KCNH1: variants seen among roughly 807,000 people sequenced by gnomAD.
KCNH1 encodes potassium voltage-gated channel subfamily H member 1.
Under a neutral mutation model 69.2 loss-of-function variants are expected in KCNH1, and 27 were observed. The observed-to-expected ratio is 0.39, with a 90% CI of 0.29 to 0.54. The LOEUF (loss-of-function observed/expected upper bound fraction) is 0.54. Ranked by LOEUF, KCNH1 falls within the 20% of genes least tolerant of loss-of-function variation. KCNH1 has a pLI of 0.68. For missense variants in KCNH1, 798 were observed against 1,261.6 expected, an observed-to-expected ratio of 0.63 and a Z score of 5.57; for synonymous variants, 456 against 487.7, an observed-to-expected ratio of 0.93 and a Z score of 0.86.
At chr1:211,093,789 G>A (rs1052096320) in intron 3 of KCNH1, among the ~76,000 whole-genome samples, 1 of 152,108 alleles carries the variant, frequency 6.6e-6, no homozygotes, top group African/African-American at 2.4e-5. Context: ...GTAACACTCT[G>A]GACCTTTTTC....
intron 6 of KCNH1, among the ~76,000 whole-genome samples, chr1:210,951,380 T>C (rs1216345878): frequency 1.3e-5 from 2 of 152,200 alleles, no homozygotes; most frequent in East Asian, 3.9e-4. Context: ...TATGCTAATA[T>C]ATGTCAAGGA....
intron 10 of KCNH1, among the ~76,000 whole-genome samples, chr1:210,690,789 C>G (rs1403598775): frequency 6.6e-6 from 1 of 152,338 alleles, no homozygotes; most frequent in Middle Eastern, 3.4e-3. Context: ...TAGGCCTGTT[C>G]GGCTAAGGCT....
intron 7 of KCNH1, among the ~76,000 whole-genome samples, chr1:210,819,113 G>C (rs932741485): frequency 3.3e-5 from 5 of 152,098 alleles, no homozygotes; most frequent in Non-Finnish European, 7.4e-5. Context: ...CTTAGCCAAA[G>C]ATGTGCTTAA....
chr1:211,105,100 G>A (rs543973906), intron 2 of KCNH1, among the ~76,000 whole-genome samples: 87 of 152,258 alleles, frequency 5.7e-4, no homozygotes, highest in African/African-American at 2.1e-3. Context: ...GATTATCTGT[G>A]GTTGTCCTTA....
At chr1:210,743,619 G>A (rs1010048390) in intron 10 of KCNH1, among the ~76,000 whole-genome samples, 13 of 152,174 alleles carry the variant, frequency 8.5e-5, no homozygotes, top group Non-Finnish European at 1.5e-5. Flanking sequence ...TAGACTTGGG[G>A]ACAGGACTGG....
At chr1:211,045,598 T>C (rs928008185) in intron 5 of KCNH1, among the ~76,000 whole-genome samples, 5 of 152,174 alleles carry the variant, frequency 3.3e-5, no homozygotes, top group African/African-American at 4.8e-5. Flanking sequence ...GAGATAAGTA[T>C]ACTCCTGGGA....
At chr1:210,928,879 A>T (rs74331247) in intron 6 of KCNH1, among the ~76,000 whole-genome samples, 1 of 152,162 alleles carries the variant, frequency 6.6e-6, no homozygotes, top group East Asian at 1.9e-4. Context: ...AATACAAAAG[A>T]TTATTCAAGG....
chr1:211,019,311 T>C (rs534535424), intron 5 of KCNH1, 55 bp from the exon 6 acceptor site: 2 of 1,132,326 alleles, frequency 1.8e-6, no homozygotes, highest in East Asian at 4.7e-5. Flanking sequence ...ATTGCAAGTA[T>C]CTAACCAGTC....
intron 7 of KCNH1, among the ~76,000 whole-genome samples, chr1:210,911,261 C>A (rs1687225408): frequency 6.6e-6 from 1 of 152,114 alleles, no homozygotes; most frequent in South Asian, 2.1e-4. Flanking sequence ...CCCTCCTTGA[C>A]CTCCTCACTG....
At chr1:210,881,106 C>G (rs1479116413) in intron 7 of KCNH1, among the ~76,000 whole-genome samples, 1 of 151,810 alleles carries the variant, frequency 6.6e-6, no homozygotes, top group Non-Finnish European at 1.5e-5. Context: ...CAACCTCTGC[C>G]TCCCAGGTTC....
In KCNH1 at chr1:210,838,677, G is replaced by A. The variant is rs555637378; in HGVS notation, c.1463-34511C>T. Reference sequence around the variant, plus strand: ...TTTGCAATATATCCATCTGACAAAGGTCTAATATCCAGCATCTATAAGAAA... The same window carrying A: ...TTTGCAATATATCCATCTGACAAAGATCTAATATCCAGCATCTATAAGAAA... On this transcript the variant is annotated intron_variant, in intron 7 of 10. Coordinates refer to ENST00000271751, the MANE Select transcript of KCNH1 (RefSeq NM_172362.3). 1.5e-4 allele frequency among the ~76,000 whole-genome samples: 23 copies of A among 152,166 alleles called. 1 individual carries two copies. The South Asian group carries it at 4.4e-3, about 29-fold the overall frequency.
chr1:210,714,732 C>CATT (rs1682178661), intron 10 of KCNH1, among the ~76,000 whole-genome samples: 1 of 152,162 alleles, frequency 6.6e-6, no homozygotes, highest in South Asian at 2.1e-4. Flanking sequence ...CAGTCTATAT[C>CATT]ATTTTTGCCT....
At chr1:210,842,753 T>C (rs961052483) in intron 7 of KCNH1, among the ~76,000 whole-genome samples, 20 of 152,152 alleles carry the variant, frequency 1.3e-4, no homozygotes, top group African/African-American at 4.8e-4. Context: ...CTTACCCACA[T>C]GCAGTCCTTT....
intron 10 of KCNH1, among the ~76,000 whole-genome samples, chr1:210,761,069 G>A (rs567481340): frequency 7.0e-4 from 106 of 150,754 alleles, no homozygotes; most frequent in Non-Finnish European, 1.3e-3. Flanking sequence ...CGGCTAAAAT[G>A]GTGAAACCCC....
At chr1:210,795,055 T>C (rs1178787088) in intron 9 of KCNH1, among the ~76,000 whole-genome samples, 2 of 152,212 alleles carry the variant, frequency 1.3e-5, no homozygotes, top group South Asian at 2.1e-4. Context: ...GTGGATACCA[T>C]GGAATCTAGA....
chr1:211,017,467 T>C (rs996404458), intron 6 of KCNH1, among the ~76,000 whole-genome samples: 1 of 152,146 alleles, frequency 6.6e-6, no homozygotes, highest in Admixed American at 6.5e-5. Context: ...GACTGAGACC[T>C]TGGGAGCCTC....
At chr1:210,990,902 C>T (rs1386235008) in intron 6 of KCNH1, among the ~76,000 whole-genome samples, 2 of 152,032 alleles carry the variant, frequency 1.3e-5, no homozygotes, top group Non-Finnish European at 2.9e-5. Flanking sequence ...ACAGAGTTTA[C>T]CTAGAACCCC....
chr1:210,905,769 T>A (rs1687089818), intron 7 of KCNH1, among the ~76,000 whole-genome samples: 1 of 152,168 alleles, frequency 6.6e-6, no homozygotes, highest in Non-Finnish European at 1.5e-5. Flanking sequence ...TAAGCTCTGT[T>A]TCTTCCTGTC....
At chr1:211,012,462 A>G (rs1689411381) in intron 6 of KCNH1, among the ~76,000 whole-genome samples, 1 of 152,212 alleles carries the variant, frequency 6.6e-6, no homozygotes, top group African/African-American at 2.4e-5. Context: ...ATTATTCTGC[A>G]ATTTTAAAAA....
Sources: gnomAD v4.1 joint callset for allele counts (sites outside exome capture counted in the v4.1 genomes callset) on GRCh38, gnomAD v4.1.1 for gene constraint, MANE v1.5 for transcripts, NCBI Gene and HGNC (gene_info 2026-07-23, HGNC 2026-07-21) for gene names.